The following NLRP7 variants were observed in gnomAD, a reference collection of about 807,000 sequenced individuals.
NLRP7 encodes the protein NACHT, LRR and PYD domains-containing protein 7.
NLRP7 carries 72 observed loss-of-function variants against 85.5 expected under a neutral mutation model. The observed-to-expected ratio is 0.84, with a 90% CI of 0.70 to 1.02. The LOEUF is 1.02. Ranked by LOEUF, NLRP7 falls within the 50% of genes least tolerant of loss-of-function variation. The pLI is 0.00. For missense variants in NLRP7, 1,243 were observed against 1,219.5 expected (o/e 1.02, Z -0.29); for synonymous variants, 550 against 505.2 (o/e 1.09, Z -1.19).
At chr19:54,956,461 A>T (rs1408189250) in intron 1 of NLRP7, among the ~76,000 whole-genome samples, 1 of 152,094 alleles carries the variant, frequency 6.6e-6, no homozygotes, top group Non-Finnish European at 1.5e-5. Context: ...AGGCCAAGGC[A>T]GGCGGATCAC....
chr19:54,944,542 G>T (rs1016765658), intron 1 of NLRP7, among the ~76,000 whole-genome samples: 1 of 151,640 alleles, frequency 6.6e-6, no homozygotes, highest in Non-Finnish European at 1.5e-5. Flanking sequence ...CCCGGCCGGC[G>T]CGGGTCTCCT....
intron 1 of NLRP7, among the ~76,000 whole-genome samples, chr19:54,946,289 G>A (rs1169858475): frequency 6.6e-6 from 1 of 150,552 alleles, no homozygotes; most frequent in African/African-American, 2.5e-5. Flanking sequence ...TCAGCTCACC[G>A]CAACCTCCGC....
At chr19:54,962,078 A>G (rs1259013504) in intron 1 of NLRP7, among the ~76,000 whole-genome samples, 2 of 146,188 alleles carry the variant, frequency 1.4e-5, no homozygotes. Flanking sequence ...CAGGAGAATC[A>G]CAGGAAACCG....
At chr19:54,927,381 CA>C (rs35405359) in intron 9 of NLRP7, among the ~76,000 whole-genome samples, 70,648 of 138,574 alleles carry the variant, frequency 0.51, 17,115 homozygotes, top group South Asian at 0.63. Flanking sequence ...AACTCCGTCT[CA>C]AAAAAAAAAA....
At chr19:54,944,544 G>C (rs78429044) in intron 1 of NLRP7, among the ~76,000 whole-genome samples, 1 of 151,558 alleles carries the variant, frequency 6.6e-6, no homozygotes, top group Admixed American at 6.6e-5. Flanking sequence ...CGGCCGGCGC[G>C]GGTCTCCTGA....
At chr19:54,937,984 A>T in intron 5 of NLRP7, 60 bp downstream of exon 5, 1 of 1,339,398 alleles carries the variant, frequency 7.5e-7, no homozygotes. Flanking sequence ...TTAAAAAACA[A>T]AAGTACAAGA....
chr19:54,954,582 C>G (rs1486998682), intron 1 of NLRP7, among the ~76,000 whole-genome samples: 1 of 150,610 alleles, frequency 6.6e-6, no homozygotes, highest in Non-Finnish European at 1.5e-5. Context: ...TGGTGGCTTA[C>G]GCCTGTAATC....
upstream of NLRP7, among the ~76,000 whole-genome samples, chr19:54,951,655 C>T (rs913002370): frequency 1.4e-4 from 22 of 152,138 alleles, no homozygotes; most frequent in Admixed American, 3.9e-4. Flanking sequence ...CTCTGGCCCA[C>T]ATCCTGGCTG....
chr19:54,961,402 G>A (rs2070037966), intron 1 of NLRP7, among the ~76,000 whole-genome samples: 2 of 151,878 alleles, frequency 1.3e-5, no homozygotes, highest in African/African-American at 4.8e-5. Flanking sequence ...CCCAGCTAGG[G>A]CAGGAGAATC....
intron 9 of NLRP7, among the ~76,000 whole-genome samples, chr19:54,926,205 G>GGTGTGTGTGTGTGTGTGTGTGT (rs138774910): frequency 2.1e-5 from 3 of 143,744 alleles, no homozygotes; most frequent in East Asian, 2.4e-4. Flanking sequence ...AATGATTAGG[G>GGTGTGTGTGTGTGTGTGTGTGT]GTGTGTGTGT....
intron 9 of NLRP7, among the ~76,000 whole-genome samples, 182 bp from the exon 10 acceptor site, chr19:54,927,957 G>A (rs536768596): frequency 6.6e-6 from 1 of 152,256 alleles, no homozygotes; most frequent in African/African-American, 2.4e-5. Flanking sequence ...GCAGGGCGTG[G>A]GGACAGACAC....
exon 6 of NLRP7, chr19:54,936,328 C>G (rs1313072173): frequency 1.2e-6 from 2 of 1,613,752 alleles, no homozygotes; most frequent in Non-Finnish European, 8.5e-7. Flanking sequence ...ATCGTGCGTT[C>G]CCACTCGATG....
intron 1 of NLRP7, among the ~76,000 whole-genome samples, chr19:54,957,346 CTTTT>C (rs369473061): frequency 4.7e-5 from 6 of 128,046 alleles, no homozygotes; most frequent in Admixed American, 8.1e-5. Context: ...TCTTCTTCTT[CTTTT>C]TTTTTTTTTT....
intron 1 of NLRP7, among the ~76,000 whole-genome samples, chr19:54,945,516 C>CA (rs1187672192): frequency 6.6e-6 from 1 of 151,802 alleles, no homozygotes; most frequent in Non-Finnish European, 1.5e-5. Flanking sequence ...GTGATCTGCC[C>CA]ACCTCAGCCT....
chr19:54,956,354 AAC>A (rs1254723911), intron 1 of NLRP7, among the ~76,000 whole-genome samples: 1 of 152,076 alleles, frequency 6.6e-6, no homozygotes, highest in African/African-American at 2.4e-5. Flanking sequence ...GGTGGGGAGA[AAC>A]ATACATTTTT....
rs561747031 is a variant in NLRP7, at chr19:54,925,796, C to T, written c.2811-1924G>A. Reference sequence around the variant, plus strand: ...GGCAGATCACCTGAGGTCAGGAATTCGAGACCAGCCTGGCCAACATAGTGA... The same window carrying T: ...GGCAGATCACCTGAGGTCAGGAATTTGAGACCAGCCTGGCCAACATAGTGA... On this transcript the variant is annotated intron_variant, in intron 9 of 9. Coordinates refer to ENST00000340844, the Ensembl canonical transcript of NLRP7. 4.6e-5 allele frequency among the ~76,000 whole-genome samples: 7 copies of T among 151,930 alleles called. No individual in the cohort carries two copies. The South Asian group carries it at 6.2e-4, about 14-fold the overall frequency.
upstream of NLRP7, chr19:54,947,576 G>A (rs1037088328): frequency 1.5e-5 from 19 of 1,289,478 alleles, no homozygotes; most frequent in South Asian, 9.9e-5. Context: ...CAGCTTTCCC[G>A]CCCAGGGTGG....
chr19:54,929,545 A>G (rs967811492), intron 9 of NLRP7, among the ~76,000 whole-genome samples: 2 of 152,116 alleles, frequency 1.3e-5, no homozygotes, highest in African/African-American at 4.8e-5. Context: ...AGAGCTCGCC[A>G]TTCCATTTGT....
At position 54,930,668 on chromosome 19, in the gene NLRP7, T is replaced by C. The variant is rs780272212; in HGVS notation, c.2643-2A>G. 3.7e-6 allele frequency: 6 copies of C among 1,613,016 alleles called. No homozygotes were observed. Among genetic ancestry groups the C allele is most frequent in the Middle Eastern group, 1.7e-4 (1 of 6,034 alleles). ...TTGGTTATGCTGCATTGCTGTAACCTACAGGATAATCAAAGGAAGAGAAGC... is the reference window on the plus strand; with the variant it reads ...TTGGTTATGCTGCATTGCTGTAACCCACAGGATAATCAAAGGAAGAGAAGC... On this transcript the variant is annotated splice_acceptor_variant, in intron 8 of 9. Transcript: ENST00000340844. LOFTEE classifies it high-confidence loss of function.
Sources: allele counts gnomAD v4.1 joint callset (sites outside exome capture counted in the v4.1 genomes callset), GRCh38; gene constraint gnomAD v4.1.1; transcripts MANE v1.5; gene names NCBI Gene and HGNC (gene_info 2026-07-23, HGNC 2026-07-21).